Variants in GFRA2 observed in about 807,000 individuals in gnomAD.
The protein encoded by GFRA2 is GDNF family receptor alpha-2.
Under a neutral mutation model 48.3 loss-of-function variants are expected in GFRA2, and 17 were observed. The ratio of observed to expected loss-of-function variants is 0.35; its 90% confidence interval spans 0.24 to 0.53. The LOEUF is 0.53. Ranked by LOEUF, GFRA2 falls within the 20% of genes least tolerant of loss-of-function variation. The probability of loss-of-function intolerance (pLI) is 0.93; values close to 1 mark genes in which losing one functional copy is unlikely to be tolerated. For missense variants in GFRA2, 660 were observed against 637.3 expected, an observed-to-expected ratio of 1.04 and a Z score of -0.38; for synonymous variants, 305 against 257.2, an observed-to-expected ratio of 1.19 and a Z score of -1.78.
At chr8:21,804,562 C>T (rs967713756) in intron 2 of GFRA2, among the ~76,000 whole-genome samples, 1 of 152,088 alleles carries the variant, frequency 6.6e-6, no homozygotes, top group African/African-American at 2.4e-5. Flanking sequence ...GTCTTCCTCA[C>T]ACCCCTGAAG....
intron 6 of GFRA2, among the ~76,000 whole-genome samples, chr8:21,703,451 A>G (rs1209715236): frequency 6.6e-6 from 1 of 151,250 alleles, no homozygotes; most frequent in Non-Finnish European, 1.5e-5. Context: ...CCCTCTGCCC[A>G]CTCCACACCA....
rs73669520 is a variant in GFRA2 at position 21,710,287 on chromosome 8, C to T, written c.795-4246G>A. ...GAGTGAGGGCGCTTGGAATGGCAGG[C>T]GCCCGATGGAGACAGGAGGCACCAT... On this transcript the variant is annotated intron_variant, in intron 4 of 8. Transcript: ENST00000524240. Among the ~76,000 whole-genome samples, 683 of 152,320 alleles carry T rather than the reference C, an allele frequency of 4.5e-3. 6 individuals carry two copies. Among genetic ancestry groups the T allele is most frequent in the African/African-American group, 0.016 (657 of 41,574 alleles).
chr8:21,750,628 G>A lies in GFRA2; in HGVS notation c.754C>T (p.Leu252=). ...SYEDKEKPNC[L]DLRGVCRTDH... is the part of the protein sequence containing the mutation. The stretch of plus-strand genomic sequence containing the variant: ...GTCCGGCACACGCCACGCAGGTCCA[G>A]GCAGTTGGGCTTCTCCTTGTCCTCA... Residue 252 remains leucine, a synonymous_variant, in exon 4 of 9, where the codon CTG becomes TTG. Transcript: ENST00000524240. This position sits in a 1 kb window ranked among gnomAD's most constrained non-coding sequence, Gnocchi z 5.7. The A allele has an allele frequency of 1.2e-6, 2 of 1,613,222 alleles. No individual in the cohort carries two copies. Among genetic ancestry groups the A allele is most frequent in the Non-Finnish European group, 1.7e-6 (2 of 1,179,518 alleles).
chr8:21,714,577 C>A (rs2117415023), intron 4 of GFRA2, among the ~76,000 whole-genome samples: 1 of 152,150 alleles, frequency 6.6e-6, no homozygotes, highest in Non-Finnish European at 1.5e-5. Context: ...ATGTCACTTC[C>A]ATGGAAACCA....
chr8:21,763,928 G>C (rs1806028724), intron 3 of GFRA2, among the ~76,000 whole-genome samples: 1 of 147,070 alleles, frequency 6.8e-6, no homozygotes, highest in Non-Finnish European at 1.5e-5. Flanking sequence ...GCTGGCTCCT[G>C]AGCAGCCAAA....
intron 4 of GFRA2, among the ~76,000 whole-genome samples, chr8:21,726,172 C>T (rs1803861856): frequency 6.6e-6 from 1 of 152,222 alleles, no homozygotes; most frequent in Admixed American, 6.5e-5. Context: ...AGAGCTCTGG[C>T]ACCCACGCAC....
At chr8:21,732,906 G>A (rs1407021353) in intron 4 of GFRA2, among the ~76,000 whole-genome samples, 1 of 152,158 alleles carries the variant, frequency 6.6e-6, no homozygotes, top group African/African-American at 2.4e-5. Flanking sequence ...AGACCCCAGA[G>A]GCAGGAAAGC....
intron 4 of GFRA2, chr8:21,706,331 A>C (rs149020966): frequency 1.8e-4 from 101 of 549,636 alleles, no homozygotes; most frequent in African/African-American, 1.5e-3. Flanking sequence ...GCCTGCTCTA[A>C]ATGGCTCTTT....
chr8:21,810,070 C>G (rs188662330), intron 1 of GFRA2, among the ~76,000 whole-genome samples: 1 of 152,206 alleles, frequency 6.6e-6, no homozygotes, highest in Admixed American at 6.5e-5. Context: ...GCCTTGGTCT[C>G]TCACCAGCTC....
At chr8:21,742,035 G>C (rs369940870) in intron 4 of GFRA2, among the ~76,000 whole-genome samples, 1 of 152,122 alleles carries the variant, frequency 6.6e-6, no homozygotes, top group East Asian at 1.9e-4. Flanking sequence ...GGAAAGCCAC[G>C]TGATGTCACA....
chr8:21,745,348 A>G (rs1352536274), intron 4 of GFRA2, among the ~76,000 whole-genome samples: 1 of 152,186 alleles, frequency 6.6e-6, no homozygotes, highest in Non-Finnish European at 1.5e-5. Flanking sequence ...GCCTGGCTGT[A>G]TCAGGGCCGG....
chr8:21,800,254 C>A (rs1290948450), intron 2 of GFRA2, among the ~76,000 whole-genome samples: 1 of 152,224 alleles, frequency 6.6e-6, no homozygotes, highest in African/African-American at 2.4e-5. Context: ...TTACTCCTCT[C>A]TGAGGCATAT....
At chr8:21,772,999 T>C (rs887896927) in intron 3 of GFRA2, among the ~76,000 whole-genome samples, 7 of 152,312 alleles carry the variant, frequency 4.6e-5, no homozygotes, top group African/African-American at 1.7e-4. Flanking sequence ...AGAATGTGGG[T>C]GCATCTGGCG....
At position 21,782,982 on chromosome 8, in the gene GFRA2, C is replaced by T. The variant is rs1323110954; in HGVS notation, c.41-83G>A. The T allele has an allele frequency of 3.0e-6, 4 of 1,317,066 alleles. No homozygotes were observed. In the African/African-American group the frequency reaches 5.8e-5, roughly 19 times the overall value. The allele number at this position is 1,317,066 out of a possible 1,614,324, so 81.6% of individuals were successfully genotyped here. A position where few individuals can be genotyped will look rare whatever the true frequency, so the allele number is the denominator to read the frequency against. ...AGATGCAGGCCTGGGGGCTTGGGCC[C>T]TGCTGGGAACGTCACACCCATTTCG... is the stretch of plus-strand genomic sequence containing the variant. On this transcript the variant is annotated intron_variant, in intron 1 of 8. Coordinates refer to ENST00000524240, the MANE Select transcript of GFRA2 (RefSeq NM_001495.5).
intron 4 of GFRA2, among the ~76,000 whole-genome samples, chr8:21,728,222 C>A (rs1803981333): frequency 6.6e-6 from 1 of 151,168 alleles, no homozygotes; most frequent in Non-Finnish European, 1.5e-5. Context: ...GATTCCTGGG[C>A]CCTACATCCA....
chr8:21,777,260 T>A (rs952253520), intron 2 of GFRA2, among the ~76,000 whole-genome samples: 4 of 152,210 alleles, frequency 2.6e-5, no homozygotes, highest in Non-Finnish European at 5.9e-5. Flanking sequence ...CATTCCTAAA[T>A]AAGTACTGTT....
chr8:21,743,548 C>A (rs915549361), intron 4 of GFRA2, among the ~76,000 whole-genome samples: 11 of 152,174 alleles, frequency 7.2e-5, no homozygotes, highest in Non-Finnish European at 2.9e-5. Flanking sequence ...TTCTAAGTGC[C>A]GCAAGGACAA....
intron 3 of GFRA2, among the ~76,000 whole-genome samples, chr8:21,757,673 T>C (rs2117625829): frequency 6.6e-6 from 1 of 152,246 alleles, no homozygotes; most frequent in Middle Eastern, 3.4e-3. Context: ...TTATTTTTTG[T>C]ATTTTTTTTA....
chr8:21,752,187 G>T (rs77459731), intron 3 of GFRA2, among the ~76,000 whole-genome samples: 6,658 of 152,018 alleles, frequency 0.044, 392 homozygotes, highest in African/African-American at 0.14. Flanking sequence ...ATTAAAAAAA[G>T]ACCTCCTCGT....
Sources: gnomAD v4.1 joint callset for allele counts (sites outside exome capture counted in the v4.1 genomes callset) on GRCh38, gnomAD v4.1.1 for gene constraint, Gnocchi (gnomAD v3.1) non-coding constraint, MANE v1.5 for transcripts, NCBI Gene and HGNC (gene_info 2026-07-23, HGNC 2026-07-21) for gene names.